Variants in ASCC3 observed in about 807,000 individuals in gnomAD.
ASCC3 encodes activating signal cointegrator 1 complex subunit 3.
ASCC3 carries 158 observed loss-of-function variants against 256.3 expected under a neutral mutation model. That is an observed-to-expected ratio of 0.62 (90% CI 0.54 to 0.70). The LOEUF (loss-of-function observed/expected upper bound fraction) is 0.70. Ranked by LOEUF, ASCC3 falls within the 30% of genes least tolerant of loss-of-function variation. The pLI is 0.00. For missense variants in ASCC3, 2,259 were observed against 2,626.0 expected, an observed-to-expected ratio of 0.86 and a Z score of 3.05; for synonymous variants, 948 against 883.4, an observed-to-expected ratio of 1.07 and a Z score of -1.30.
intron 37 of ASCC3, among the ~76,000 whole-genome samples, chr6:100,532,782 A>T (rs1378728222): frequency 1.3e-5 from 2 of 152,158 alleles, no homozygotes; most frequent in East Asian, 3.8e-4. Context: ...ACATATTAAT[A>T]TTCCAATCAT....
intron 26 of ASCC3, among the ~76,000 whole-genome samples, chr6:100,629,655 T>C (rs1340487018): frequency 6.6e-6 from 1 of 152,158 alleles, no homozygotes; most frequent in African/African-American, 2.4e-5. Context: ...TGCAAGCTCA[T>C]TTCTTTCCTT....
intron 10 of ASCC3, among the ~76,000 whole-genome samples, chr6:100,755,338 A>G (rs1266004612): frequency 6.6e-6 from 1 of 151,222 alleles, no homozygotes; most frequent in East Asian, 1.9e-4. Context: ...TCTCTATTAT[A>G]TATATATTTT....
At chr6:100,585,074 C>G (rs1358264272) in intron 36 of ASCC3, among the ~76,000 whole-genome samples, 1 of 152,010 alleles carries the variant, frequency 6.6e-6, no homozygotes, top group African/African-American at 2.4e-5. Flanking sequence ...TTGCTCTTCT[C>G]GAGGAGTATC....
intron 37 of ASCC3, among the ~76,000 whole-genome samples, chr6:100,524,542 C>T (rs115068110): frequency 7.2e-5 from 11 of 151,814 alleles, no homozygotes; most frequent in African/African-American, 9.7e-5. Flanking sequence ...GTCTACTAAA[C>T]GAAAATCCGT....
intron 37 of ASCC3, among the ~76,000 whole-genome samples, chr6:100,531,974 TTTTTG>T (rs1183276855): frequency 6.6e-5 from 10 of 152,048 alleles, no homozygotes; most frequent in Non-Finnish European, 1.5e-5. Context: ...GAGGGTTTAT[TTTTTG>T]TTTTGTTTTT....
At chr6:100,844,557 T>C (rs1354253469) in intron 4 of ASCC3, among the ~76,000 whole-genome samples, 3 of 152,050 alleles carry the variant, frequency 2.0e-5, no homozygotes, top group Non-Finnish European at 4.4e-5. Context: ...GAAAATAACA[T>C]GGAATATTCA....
intron 36 of ASCC3, among the ~76,000 whole-genome samples, chr6:100,566,744 G>A (rs1770272618): frequency 6.6e-6 from 1 of 151,998 alleles, no homozygotes; most frequent in Non-Finnish European, 1.5e-5. Flanking sequence ...ATTTCCATGA[G>A]CATATAAACA....
At chr6:100,537,645 G>C (rs558646586) in intron 37 of ASCC3, among the ~76,000 whole-genome samples, 55 of 151,808 alleles carry the variant, frequency 3.6e-4, no homozygotes, top group Non-Finnish European at 7.4e-4. Flanking sequence ...CAAAACGAAA[G>C]TCTAATTTTA....
At chr6:100,594,201 TA>T (rs1212596099) in intron 34 of ASCC3, among the ~76,000 whole-genome samples, 1 of 152,028 alleles carries the variant, frequency 6.6e-6, no homozygotes, top group African/African-American at 2.4e-5. Context: ...AACTATATTA[TA>T]AAAATGGTCT....
At chr6:100,686,412 A>G (rs1203967959) in intron 13 of ASCC3, among the ~76,000 whole-genome samples, 1 of 152,178 alleles carries the variant, frequency 6.6e-6, no homozygotes, top group Non-Finnish European at 1.5e-5. Flanking sequence ...GTCCTTTGAG[A>G]GTTTATGCAC....
At chr6:100,832,857 A>G (rs1771688010) in intron 4 of ASCC3, among the ~76,000 whole-genome samples, 1 of 152,134 alleles carries the variant, frequency 6.6e-6, no homozygotes, top group Non-Finnish European at 1.5e-5. Context: ...TTACAATTAA[A>G]CAATAAAAAC....
chr6:100,798,901 AT>A, intron 7 of ASCC3, 63 bp from the exon 8 acceptor site: 1 of 1,411,756 alleles, frequency 7.1e-7, no homozygotes, highest in Middle Eastern at 2.1e-4. Flanking sequence ...TCTGGTAAAT[AT>A]TCTTTAGAGA....
intron 10 of ASCC3, among the ~76,000 whole-genome samples, chr6:100,738,932 T>A (rs1340460174): frequency 6.6e-6 from 1 of 152,174 alleles, no homozygotes; most frequent in Non-Finnish European, 1.5e-5. Context: ...TACCCTTTAT[T>A]TCATTATCTT....
intron 1 of ASCC3, among the ~76,000 whole-genome samples, chr6:100,868,295 C>T (rs1773574597): frequency 6.6e-6 from 1 of 152,188 alleles, no homozygotes; most frequent in Non-Finnish European, 1.5e-5. Flanking sequence ...CAAGTACAGG[C>T]ATCAAATACT....
chr6:100,810,316 T>G (rs1181131231), intron 4 of ASCC3, among the ~76,000 whole-genome samples: 1 of 152,090 alleles, frequency 6.6e-6, no homozygotes, highest in Non-Finnish European at 1.5e-5. Context: ...AAATAATAAC[T>G]CTTCTCCACG....
chr6:100,798,588 C>T, intron 8 of ASCC3, 125 bp downstream of exon 8: 2 of 1,412,272 alleles, frequency 1.4e-6, no homozygotes, highest in Non-Finnish European at 1.9e-6. Context: ...CTCTAGTAAC[C>T]AACTATATAT....
rs1216023363 is a variant in ASCC3, at chr6:100,644,078, T to C, written c.3685A>G (p.Asn1229Asp). ...TACTCTGAATGATAAATATGATCATTTGTAGGATCTTCTACCCAAATCCAC... is the reference window on the plus strand; with the variant it reads ...TACTCTGAATGATAAATATGATCATCTGTAGGATCTTCTACCCAAATCCAC... Reference protein sequence around the residue: ...PWWIWVEDPTNDHIYHSEYFL... With the variant: ...PWWIWVEDPTDDHIYHSEYFL... The change falls in exon 23 of 42, where the codon AAT (asparagine) becomes GAT (aspartate). Residue 1229 changes from asparagine (N) to aspartate (D), a missense_variant. By Grantham distance (23) the Asn-to-Asp change is conservative. Transcript: ENST00000369162. 5 of 1,612,850 alleles carry C rather than the reference T, an allele frequency of 3.1e-6. No homozygotes were observed. The African/African-American group carries it at 5.3e-5, about 17-fold the overall frequency.
At position 100,642,025 on chromosome 6, in the gene ASCC3, A is replaced by AG. The variant is rs950970090; in HGVS notation, c.3901+555dup. On this transcript the variant is annotated intron_variant, in intron 24 of 41. Coordinates refer to ENST00000369162, the MANE Select transcript of ASCC3 (RefSeq NM_006828.4). ...CCGCGGCCTGTTGCGGAGTGGGGGGAGGGGGGAGGGATAGCATTAGGTGAT... is the reference window on the plus strand; with the variant it reads ...CCGCGGCCTGTTGCGGAGTGGGGGGAGGGGGGGAGGGATAGCATTAGGTGAT... Among the ~76,000 whole-genome samples, 3 of 106,410 alleles carry AG rather than the reference A, an allele frequency of 2.8e-5. No individual in the cohort carries two copies. In the South Asian group the frequency reaches 1.1e-3, roughly 39 times the overall value. 69.8% of individuals were successfully genotyped at this position (106,410 alleles called of 152,430 possible). A position where few individuals can be genotyped will look rare whatever the true frequency, so the allele number is the denominator to read the frequency against.
At chr6:100,661,076 C>T (rs899000787) in intron 16 of ASCC3, among the ~76,000 whole-genome samples, 2 of 151,474 alleles carry the variant, frequency 1.3e-5, no homozygotes, top group Non-Finnish European at 3.0e-5. Context: ...TCAAAGTATT[C>T]ATTTACTTAA....
Sources: allele counts gnomAD v4.1 joint callset (sites outside exome capture counted in the v4.1 genomes callset), GRCh38; gene constraint gnomAD v4.1.1; transcripts MANE v1.5; gene names NCBI Gene and HGNC (gene_info 2026-07-23, HGNC 2026-07-21).